The following NALF2 variants were observed in gnomAD, a reference collection of about 807,000 sequenced individuals.
NALF2 encodes bB57D9.1 (TED protein).
In NALF2, 1 loss-of-function variant was observed where a neutral mutation model predicts 24.8. That is an observed-to-expected ratio of 0.04 (90% CI 0.01 to 0.19). The LOEUF (loss-of-function observed/expected upper bound fraction) is 0.19. Ranked by LOEUF, NALF2 falls within the 10% of genes least tolerant of loss-of-function variation. The pLI, the probability that NALF2 is intolerant of heterozygous loss-of-function variation, is 1.00. For missense variants in NALF2, 458 were observed against 409.6 expected, an observed-to-expected ratio of 1.12 and a Z score of -1.02; for synonymous variants, 254 against 189.8, an observed-to-expected ratio of 1.34 and a Z score of -2.78.
rs1330390170 is a variant in NALF2 at position 69,527,296 on chromosome X, C to T, written c.862-1697C>T. On this transcript the variant is annotated intron_variant, in intron 1 of 2. Transcript: ENST00000252338. The stretch of plus-strand genomic sequence containing the variant: ...TAAATTTGAGATGCCTGTGAGATAC[C>T]GAAGTCCCAAGCAATGCTTTGCTCT... 2.7e-5 allele frequency among the ~76,000 whole-genome samples: 3 copies of T among 111,857 alleles called. No homozygotes were observed. In the Admixed American group the frequency reaches 2.8e-4, roughly 11 times the overall value.
At chrX:69,507,703 C>T (rs1930513950) in intron 1 of NALF2, among the ~76,000 whole-genome samples, 1 of 111,339 alleles carries the variant, frequency 9.0e-6, no homozygotes, top group African/African-American at 3.3e-5. Flanking sequence ...CTTACAGAGA[C>T]ACATACCCTC....
intron 1 of NALF2, among the ~76,000 whole-genome samples, chrX:69,508,564 G>A (rs1046418705): frequency 9.0e-6 from 1 of 111,569 alleles, no homozygotes; most frequent in African/African-American, 3.3e-5. Context: ...GCTCTCTTCC[G>A]GCCTTTCCCA....
chrX:69,508,644 G>C (rs186940688), intron 1 of NALF2, among the ~76,000 whole-genome samples: 386 of 111,451 alleles, frequency 3.5e-3, no homozygotes, highest in African/African-American at 0.012. Flanking sequence ...CTGTATGATG[G>C]GCACGAAGGG....
At chrX:69,525,008 G>A (rs893378551) in intron 1 of NALF2, among the ~76,000 whole-genome samples, 2 of 111,573 alleles carry the variant, frequency 1.8e-5, no homozygotes, top group African/African-American at 6.5e-5. Flanking sequence ...TGGGGGTGTG[G>A]GGACTGAGTG....
intron 1 of NALF2, among the ~76,000 whole-genome samples, chrX:69,513,394 C>T (rs1930613265): frequency 8.9e-6 from 1 of 112,302 alleles, no homozygotes; most frequent in African/African-American, 3.2e-5. Flanking sequence ...TTTGGTGAGC[C>T]CCTAAACTTG....
At chrX:69,520,201 A>G (rs552573238) in intron 1 of NALF2, among the ~76,000 whole-genome samples, 2 of 111,690 alleles carry the variant, frequency 1.8e-5, no homozygotes, top group South Asian at 7.5e-4. Context: ...GTAACAAACA[A>G]CCCCCAAATA....
Position 69,530,041 on chromosome X carries a change from G to C in NALF2, c.*85G>C, listed in dbSNP as rs1007959186. On this transcript the variant is annotated 3_prime_UTR_variant, in exon 3 of 3. Transcript: ENST00000252338. ...GGGGGGGAGGGGGCTCCTCCCATGG[G>C]AGGTGTAGGATAAGGTGGGGGCGGG... 139 of 683,299 alleles carry C rather than the reference G, an allele frequency of 2.0e-4. No homozygotes were observed. Among genetic ancestry groups the C allele is most frequent in the Non-Finnish European group, 2.7e-4 (128 of 471,482 alleles). 56.3% of individuals were successfully genotyped at this position (683,299 alleles called of 1,213,427 possible).
chrX:69,504,979 G>GCCGCCA lies in NALF2; in HGVS notation c.-298_-293dup, dbSNP rs1930432232. On this transcript the variant is annotated 5_prime_UTR_variant, in exon 1 of 3. Coordinates refer to ENST00000252338, the MANE Select transcript of NALF2 (RefSeq NM_015686.3). ...TGAGGAGTGCGGCGCCGCCGCCGCA[G>GCCGCCA]CCGCCACCGCCCCAGTGCCCCGCAC... 9.4e-6 allele frequency among the ~76,000 whole-genome samples: 1 copy of GCCGCCA among 106,945 alleles called. No homozygotes were observed. Among genetic ancestry groups the GCCGCCA allele is most frequent in the African/African-American group, 3.3e-5 (1 of 30,084 alleles). 92.9% of individuals were successfully genotyped at this position (106,945 alleles called of 115,157 possible).
At chrX:69,520,464 C>G (rs942149984) in intron 1 of NALF2, among the ~76,000 whole-genome samples, 1 of 111,716 alleles carries the variant, frequency 9.0e-6, no homozygotes, top group African/African-American at 3.3e-5. Flanking sequence ...GTCATATGGC[C>G]GTGCCTAACT....
rs1602191879 is a variant in NALF2 at position 69,509,732 on chromosome X, G to A, written c.861+3589G>A. Among the ~76,000 whole-genome samples, 3 of 111,739 alleles carry A rather than the reference G, an allele frequency of 2.7e-5. No individual in the cohort carries two copies. In the South Asian group the frequency reaches 1.1e-3, roughly 43 times the overall value. On this transcript the variant is annotated intron_variant, in intron 1 of 2. Coordinates refer to ENST00000252338, the MANE Select transcript of NALF2 (RefSeq NM_015686.3). ...GTTTCACCTGGAGAAGAGGTGACTC[G>A]GGCAGATATGCTGTCTGACTTCACA... is the stretch of plus-strand genomic sequence containing the variant.
chrX:69,530,627 A>T lies in NALF2; in HGVS notation c.*671A>T. On this transcript the variant is annotated 3_prime_UTR_variant, in exon 3 of 3. Coordinates refer to ENST00000252338, the MANE Select transcript of NALF2 (RefSeq NM_015686.3). ...ATGGTGAAAGAGAGTGGAGATACGG[A>T]AGGGGGAGAGGAGAGGAGAAATGTG... 8.8e-6 allele frequency: 1 copy of T among 114,143 alleles called. No individual in the cohort carries two copies. 9.4% of individuals were successfully genotyped at this position (114,143 alleles called of 1,213,427 possible). A position where few individuals can be genotyped will look rare whatever the true frequency, so the allele number is the denominator to read the frequency against.
rs1359279845 is a variant in NALF2 at position 69,530,580 on chromosome X, G to A, written c.*624G>A. 1.8e-5 allele frequency: 2 copies of A among 112,891 alleles called. No individual in the cohort carries two copies. Among genetic ancestry groups the A allele is most frequent in the Non-Finnish European group, 3.7e-5 (2 of 53,533 alleles). The allele number at this position is 112,891 out of a possible 1,213,427, so 9.3% of individuals were successfully genotyped here. A position where few individuals can be genotyped will look rare whatever the true frequency, so the allele number is the denominator to read the frequency against. The stretch of plus-strand genomic sequence containing the variant: ...GCCCCACCACCCTAGGCAATGAGGG[G>A]CAGGAAAGGGGTACAGAATGAATGG... On this transcript the variant is annotated 3_prime_UTR_variant, in exon 3 of 3. Coordinates refer to ENST00000252338, the MANE Select transcript of NALF2 (RefSeq NM_015686.3).
intron 1 of NALF2, among the ~76,000 whole-genome samples, chrX:69,523,406 G>C (rs1348426380): frequency 8.9e-6 from 1 of 111,929 alleles, no homozygotes; most frequent in Non-Finnish European, 1.9e-5. Flanking sequence ...AGAGGGTAAG[G>C]CTCTCTGGGT....
intron 1 of NALF2, among the ~76,000 whole-genome samples, chrX:69,512,957 ATCCTCTTTGTTCAACGTCCCAG>A (rs1930605764): frequency 9.0e-6 from 1 of 110,977 alleles, no homozygotes; most frequent in Non-Finnish European, 1.9e-5. Context: ...ACCCACCAAC[ATCCTCTTTGTTCAACGTCCCAG>A]TCTCTTGTCC....
In NALF2 at chrX:69,505,570, G is replaced by A. The variant is rs1368718925; in HGVS notation, c.288G>A (p.Val96=). ...GGCAGCCGGTGCCTCCTCGCGCGGT[G>A]CTGCCGCTGCCGCCGCCGCCGCCCG... ...RERQPVPPRA[V]LPLPPPPPGE... Residue 96 remains valine (V), a synonymous_variant, in exon 1 of 3, where the codon GTG becomes GTA. Transcript: ENST00000252338. The A allele has an allele frequency of 5.1e-5, 51 of 1,006,386 alleles. No homozygotes were observed. The highest frequency in any genetic ancestry group is 1.2e-4 in the African/African-American group (6 of 48,124). 82.9% of individuals were successfully genotyped at this position (1,006,386 alleles called of 1,213,427 possible).
intron 1 of NALF2, among the ~76,000 whole-genome samples, chrX:69,526,774 C>T (rs1443673228): frequency 9.0e-6 from 1 of 111,234 alleles, no homozygotes. Context: ...GGGGGAAGAG[C>T]ATTCTGGGCC....
chrX:69,528,509 C>T (rs909692160), intron 1 of NALF2, among the ~76,000 whole-genome samples: 2 of 112,227 alleles, frequency 1.8e-5, no homozygotes, highest in Non-Finnish European at 3.8e-5. Context: ...ATCCATACAA[C>T]ACCCTAATGA....
intron 1 of NALF2, among the ~76,000 whole-genome samples, chrX:69,511,954 G>A (rs1930590799): frequency 8.9e-6 from 1 of 111,767 alleles, no homozygotes; most frequent in Non-Finnish European, 1.9e-5. Context: ...AGGGGCGGGA[G>A]TGTGCCTTAG....
At position 69,529,797 on chromosome X, in the gene NALF2, C is replaced by A; in HGVS notation, c.1260C>A (p.Val420=). The A allele has an allele frequency of 8.3e-7, 1 of 1,211,856 alleles. No individual in the cohort carries two copies. Among genetic ancestry groups the A allele is most frequent in the South Asian group, 1.8e-5 (1 of 56,967 alleles). Residue 420 remains valine, a synonymous_variant, in exon 3 of 3, where the codon GTC becomes GTA. Coordinates refer to ENST00000252338, the MANE Select transcript of NALF2 (RefSeq NM_015686.3). The part of the protein sequence containing the change: ...RVSNKPALLP[V]SGGSRLSPSR... ...GCAACAAGCCCGCCCTGCTGCCGGTCTCTGGGGGCTCCCGCCTCAGCCCTA... is the reference window on the plus strand; with the variant it reads ...GCAACAAGCCCGCCCTGCTGCCGGTATCTGGGGGCTCCCGCCTCAGCCCTA...
Sources: gnomAD v4.1 joint callset for allele counts (sites outside exome capture counted in the v4.1 genomes callset) on GRCh38, gnomAD v4.1.1 for gene constraint, MANE v1.5 for transcripts, NCBI Gene and HGNC (gene_info 2026-07-23, HGNC 2026-07-21) for gene names.